The following SDK1 variants were observed in gnomAD, a reference collection of about 807,000 sequenced individuals.
SDK1 encodes the protein protein sidekick-1.
In SDK1, 157 loss-of-function variants were observed where a neutral mutation model predicts 245.5. That is an observed-to-expected ratio of 0.64 (90% CI 0.56 to 0.73). SDK1 has a LOEUF of 0.73. Among genes scored for constraint, SDK1 ranks in the 30% least tolerant of loss-of-function variants. SDK1 has a pLI of 0.00. For missense variants in SDK1, 3,583 were observed against 3,002.3 expected, an observed-to-expected ratio of 1.19 and a Z score of -4.52; for synonymous variants, 1,647 against 1,278.5, an observed-to-expected ratio of 1.29 and a Z score of -6.15.
chr7:3,396,116 G>A (rs1781890525), intron 1 of SDK1, among the ~76,000 whole-genome samples: 1 of 151,482 alleles, frequency 6.6e-6, no homozygotes. Flanking sequence ...TAAGTCTTGT[G>A]TTAGCTGCAT....
intron 1 of SDK1, among the ~76,000 whole-genome samples, chr7:3,443,396 A>G (rs6415254): frequency 0.76 from 115,086 of 152,132 alleles, 43,809 homozygotes; most frequent in African/African-American, 0.83. Flanking sequence ...ATAGTTGAAG[A>G]CTAGAATCCA....
At chr7:4,121,120 A>G (rs1446410541) in intron 25 of SDK1, among the ~76,000 whole-genome samples, 4 of 152,028 alleles carry the variant, frequency 2.6e-5, no homozygotes, top group African/African-American at 9.7e-5. Context: ...ACAATCTTGT[A>G]TCATCTTTTA....
intron 1 of SDK1, chr7:3,476,091 A>G (rs1781340658): frequency 6.6e-6 from 1 of 152,618 alleles, no homozygotes; most frequent in African/African-American, 2.4e-5. Context: ...TTTTCAAACA[A>G]TTTCTCTCTG....
At chr7:4,253,884 G>A (rs1169933215) in intron 44 of SDK1, among the ~76,000 whole-genome samples, 4 of 152,074 alleles carry the variant, frequency 2.6e-5, no homozygotes, top group African/African-American at 4.8e-5. Flanking sequence ...GATATGTCTC[G>A]TATCTTTATT....
chr7:3,763,381 A>G (rs1465553604), intron 4 of SDK1, among the ~76,000 whole-genome samples: 1 of 152,228 alleles, frequency 6.6e-6, no homozygotes, highest in African/African-American at 2.4e-5. Flanking sequence ...AGCCAAAAGA[A>G]TTGTAAAGTG....
intron 13 of SDK1, among the ~76,000 whole-genome samples, chr7:3,975,986 G>A (rs556360040): frequency 3.1e-5 from 2 of 63,894 alleles, no homozygotes; most frequent in African/African-American, 1.3e-4. Flanking sequence ...ATCACTGAGG[G>A]TCCCGGGGCT....
chr7:4,193,793 A>G (rs1414084892), intron 35 of SDK1, among the ~76,000 whole-genome samples: 3 of 152,186 alleles, frequency 2.0e-5, no homozygotes, highest in Non-Finnish European at 4.4e-5. Flanking sequence ...GCTGGGAGAC[A>G]GAATCCCTGA....
chr7:4,166,314 G>A (rs1019076256), intron 32 of SDK1, among the ~76,000 whole-genome samples: 3 of 152,234 alleles, frequency 2.0e-5, no homozygotes, highest in African/African-American at 7.2e-5. Flanking sequence ...GGAGTGCTGA[G>A]TTCCAGAGGG....
Position 4,230,439 on chromosome 7 carries a change from C to T in SDK1, c.5828-2816C>T, listed in dbSNP as rs1358728468. Among the ~76,000 whole-genome samples, 3 of 99,794 alleles carry T rather than the reference C, an allele frequency of 3.0e-5. No individual in the cohort carries two copies. The South Asian group carries it at 1.0e-3, about 34-fold the overall frequency. 65.5% of individuals were successfully genotyped at this position (99,794 alleles called of 152,430 possible). ...GGAGGAAAGGGAAGGGAAGGGAGGG[C>T]ACAGGAGGAGAGGGAAGGGGAGTGG... On this transcript the variant is annotated intron_variant, in intron 40 of 44. Transcript: ENST00000404826.
intron 4 of SDK1, among the ~76,000 whole-genome samples, chr7:3,687,047 T>C (rs1377352524): frequency 1.9e-5 from 2 of 105,534 alleles, no homozygotes; most frequent in Non-Finnish European, 3.5e-5. Context: ...TGGGTTGGGA[T>C]AGCATCAAAA....
intron 4 of SDK1, among the ~76,000 whole-genome samples, chr7:3,688,539 T>C (rs1290846824): frequency 6.6e-6 from 1 of 152,232 alleles, no homozygotes; most frequent in Non-Finnish European, 1.5e-5. Context: ...GTTAGTATTA[T>C]AATTAGAAGC....
intron 1 of SDK1, among the ~76,000 whole-genome samples, chr7:3,546,135 C>T (rs1172197574): frequency 6.6e-6 from 1 of 152,204 alleles, no homozygotes; most frequent in Admixed American, 6.5e-5. Flanking sequence ...TGGGGCCCCA[C>T]TCCCAGAGTG....
At chr7:3,700,649 A>G (rs1314884973) in intron 4 of SDK1, among the ~76,000 whole-genome samples, 1 of 152,228 alleles carries the variant, frequency 6.6e-6, no homozygotes, top group Non-Finnish European at 1.5e-5. Context: ...AAGAAAACAG[A>G]GAACACCCAC....
intron 35 of SDK1, among the ~76,000 whole-genome samples, chr7:4,192,094 G>C (rs1189382288): frequency 2.6e-5 from 4 of 152,198 alleles, no homozygotes; most frequent in African/African-American, 9.7e-5. Context: ...AGCATACACA[G>C]AAGGAGACAG....
At chr7:4,131,056 G>A (rs1784779653) in intron 27 of SDK1, among the ~76,000 whole-genome samples, 1 of 152,206 alleles carries the variant, frequency 6.6e-6, no homozygotes, top group Admixed American at 6.5e-5. Context: ...CTGACACAAG[G>A]TCTCAGGCTA....
intron 1 of SDK1, among the ~76,000 whole-genome samples, chr7:3,416,637 A>T (rs139413574): frequency 6.6e-6 from 1 of 152,046 alleles, no homozygotes; most frequent in African/African-American, 2.4e-5. Context: ...CTGGACAGGT[A>T]AATCAGTTCA....
At chr7:3,619,813 A>G (rs892585689) in intron 2 of SDK1, among the ~76,000 whole-genome samples, 2 of 152,220 alleles carry the variant, frequency 1.3e-5, no homozygotes, top group African/African-American at 4.8e-5. Flanking sequence ...ACTGGGGTGG[A>G]CATGATGTGG....
At chr7:3,819,120 A>T (rs1779583011) in intron 4 of SDK1, among the ~76,000 whole-genome samples, 1 of 152,164 alleles carries the variant, frequency 6.6e-6, no homozygotes, top group African/African-American at 2.4e-5. Flanking sequence ...TCTTGTAGAA[A>T]TGCTCTGTTC....
intron 1 of SDK1, among the ~76,000 whole-genome samples, chr7:3,425,115 CTT>C (rs3086058): frequency 0.6 from 87,350 of 144,650 alleles, 26,166 homozygotes; most frequent in African/African-American, 0.68. Context: ...CAGTTGCCAG[CTT>C]TTTTTTTTTT....
Sources: gnomAD v4.1 joint callset for allele counts (sites outside exome capture counted in the v4.1 genomes callset) on GRCh38, gnomAD v4.1.1 for gene constraint, MANE v1.5 for transcripts, NCBI Gene and HGNC (gene_info 2026-07-23, HGNC 2026-07-21) for gene names.